The following TRIM37 variants were observed in gnomAD, a reference collection of about 807,000 sequenced individuals.
TRIM37 encodes E3 ubiquitin-protein ligase TRIM37.
A neutral mutation model predicts 129.8 loss-of-function variants in TRIM37; 80 were observed. That is an observed-to-expected ratio of 0.62 (90% CI 0.51 to 0.74). The LOEUF (loss-of-function observed/expected upper bound fraction) is 0.74, where lower values mean the gene tolerates loss of function less well. Ranked by LOEUF, TRIM37 falls within the 30% of genes least tolerant of loss-of-function variation. The probability of loss-of-function intolerance (pLI) is 0.00; values close to 1 mark genes in which losing one functional copy is unlikely to be tolerated. For synonymous variants in TRIM37, 389 were observed against 387.1 expected (o/e 1.00, Z -0.06); for missense variants, 1,054 against 1,176.5 (o/e 0.90, Z 1.52).
chr17:59,042,706 T>C (rs1421340480), intron 16 of TRIM37, among the ~76,000 whole-genome samples: 1 of 151,196 alleles, frequency 6.6e-6, no homozygotes, highest in African/African-American at 2.4e-5. Context: ...GAGGTTGTAG[T>C]GAGCCAAGAT....
intron 16 of TRIM37, among the ~76,000 whole-genome samples, chr17:59,046,155 ACAGTAAC>A (rs1412349628): frequency 6.6e-6 from 1 of 152,194 alleles, no homozygotes; most frequent in African/African-American, 2.4e-5. Context: ...GGCAATCAAC[ACAGTAAC>A]CTTTTTCAGG....
At chr17:59,091,236 T>C (rs991617487) in intron 3 of TRIM37, 64 bp downstream of exon 3, 3 of 1,303,224 alleles carry the variant, frequency 2.3e-6, no homozygotes, top group Admixed American at 3.7e-5. Context: ...CCTTTATGAA[T>C]CCCAAGGCAC....
At position 59,026,568 on chromosome 17, in the gene TRIM37, TAAAC is replaced by T. The variant is rs1201061167; in HGVS notation, c.2257+1843_2257+1846del. 5.3e-5 allele frequency among the ~76,000 whole-genome samples: 8 copies of T among 152,158 alleles called. No homozygotes were observed. The East Asian group carries it at 1.5e-3, about 29-fold the overall frequency. On this transcript the variant is annotated intron_variant, in intron 19 of 23. Transcript: ENST00000262294. ...AGAACTCCTAAAAGTCAACTACAAATAAACAACCCAACCCAATTTTAAAATGGAT... is the reference window on the plus strand; with the variant it reads ...AGAACTCCTAAAAGTCAACTACAAATAACCCAACCCAATTTTAAAATGGAT...
chr17:59,047,907 A>G lies in TRIM37; in HGVS notation c.1531-88T>C. On this transcript the variant is annotated intron_variant, in intron 15 of 23. Transcript: ENST00000262294. ...ATCCAGCCCATAAACCAAGCACCAA[A>G]GAATAATACAGTTTTCAAAAATCTA... The G allele has an allele frequency of 2.7e-6, 4 of 1,499,212 alleles. No homozygotes were observed. In the South Asian group the frequency reaches 4.5e-5, roughly 17 times the overall value. The allele number at this position is 1,499,212 out of a possible 1,614,324, so 92.9% of individuals were successfully genotyped here. A position where few individuals can be genotyped will look rare whatever the true frequency, so the allele number is the denominator to read the frequency against.
chr17:59,084,870 C>T (rs1308330279), intron 4 of TRIM37, among the ~76,000 whole-genome samples: 1 of 152,038 alleles, frequency 6.6e-6, no homozygotes. Flanking sequence ...GAAAGGGAGG[C>T]CTCACTAGAA....
intron 17 of TRIM37, among the ~76,000 whole-genome samples, chr17:59,036,435 G>A (rs1170812315): frequency 2.7e-5 from 4 of 148,686 alleles, no homozygotes; most frequent in African/African-American, 9.9e-5. Context: ...AATCTAGTTT[G>A]TATTTGCTGG....
intron 15 of TRIM37, 77 bp downstream of exon 15, chr17:59,049,101 C>T: frequency 8.6e-7 from 1 of 1,167,980 alleles, no homozygotes; most frequent in Non-Finnish European, 1.3e-6. Context: ...TGTTTTAGCA[C>T]ATAATATGTT....
At chr17:59,102,017 A>T (rs748959028) in intron 2 of TRIM37, among the ~76,000 whole-genome samples, 40 of 152,236 alleles carry the variant, frequency 2.6e-4, no homozygotes, top group Non-Finnish European at 4.7e-4. Flanking sequence ...AACAGAACAA[A>T]AAGAATGAAC....
At chr17:58,999,574 A>G (rs1567930345) in intron 23 of TRIM37, 115 bp from the exon 24 acceptor site, 1 of 883,060 alleles carries the variant, frequency 1.1e-6, no homozygotes, top group Non-Finnish European at 1.7e-6. Flanking sequence ...AGTGATAAAG[A>G]TGTGCTGGGT....
chr17:59,030,121 T>C (rs1178231056), intron 18 of TRIM37, among the ~76,000 whole-genome samples: 4 of 152,208 alleles, frequency 2.6e-5, no homozygotes, highest in Non-Finnish European at 2.9e-5. Context: ...GTTCATTTTT[T>C]TTTTTCATGG....
intron 24 of TRIM37, among the ~76,000 whole-genome samples, chr17:58,993,040 T>TGGGAGGTA (rs2032605250): frequency 2.0e-5 from 3 of 152,240 alleles, no homozygotes; most frequent in Admixed American, 2.0e-4. Context: ...AGGGACCCAG[T>TGGGAGGTA]GGGAGGTAAT....
chr17:59,070,694 A>G, intron 9 of TRIM37, 129 bp downstream of exon 9: 1 of 1,060,864 alleles, frequency 9.4e-7, no homozygotes, highest in Non-Finnish European at 1.4e-6. Flanking sequence ...CTGGGCAACA[A>G]GTGAGACCCT....
chr17:59,094,706 T>C (rs2044695254), intron 2 of TRIM37, among the ~76,000 whole-genome samples: 1 of 151,778 alleles, frequency 6.6e-6, no homozygotes, highest in Admixed American at 6.6e-5. Context: ...GGTTTTTGGA[T>C]AAAAAACTGG....
At chr17:59,103,970 G>T (rs944800213) in intron 2 of TRIM37, among the ~76,000 whole-genome samples, 1 of 152,096 alleles carries the variant, frequency 6.6e-6, no homozygotes. Flanking sequence ...TCTTGTAATT[G>T]TAAGATTAAA....
chr17:59,099,676 A>G (rs1420959070), intron 2 of TRIM37, among the ~76,000 whole-genome samples: 1 of 152,216 alleles, frequency 6.6e-6, no homozygotes, highest in Non-Finnish European at 1.5e-5. Context: ...AGATACCTGT[A>G]AGAATGGCTA....
rs1329000485 is a variant in TRIM37, at chr17:59,032,441, C to T, written c.1754-351G>A. Among the ~76,000 whole-genome samples the T allele has an allele frequency of 2.1e-5, 3 of 145,706 alleles. No homozygotes were observed. In the Admixed American group the frequency reaches 2.2e-4, roughly 10 times the overall value. ...TCGGGAGGCTGAGGCAGGAGAATGG[C>T]GTGAACCCGGGAAGCGGAGCTTGCA... is the stretch of plus-strand genomic sequence containing the variant. On this transcript the variant is annotated intron_variant, in intron 17 of 23. Coordinates refer to ENST00000262294, the MANE Select transcript of TRIM37 (RefSeq NM_015294.6).
Position 59,104,245 on chromosome 17 carries a change from A to C in TRIM37, c.123+48T>G, listed in dbSNP as rs578042066. On this transcript the variant is annotated intron_variant, in intron 2 of 23. Coordinates refer to ENST00000262294, the MANE Select transcript of TRIM37 (RefSeq NM_015294.6). Reference sequence around the variant, plus strand: ...GATAAGGGAAATGGTTAATCCTTACAATATATACTATATATACTAACTGCA... The same window carrying C: ...GATAAGGGAAATGGTTAATCCTTACCATATATACTATATATACTAACTGCA... 8 of 1,527,012 alleles carry C rather than the reference A, an allele frequency of 5.2e-6. No individual in the cohort carries two copies. The East Asian group carries it at 9.3e-5, about 18-fold the overall frequency. The allele number at this position is 1,527,012 out of a possible 1,614,324, so 94.6% of individuals were successfully genotyped here.
At chr17:58,969,848 T>C in the TRIM37 span, 2 of 931,826 alleles carry the variant, frequency 2.1e-6, no homozygotes, top group East Asian at 2.6e-5. Flanking sequence ...AACTGTATTC[T>C]TGACTCACAG....
chr17:59,052,753 G>C (rs141355139), intron 13 of TRIM37, among the ~76,000 whole-genome samples: 1 of 152,144 alleles, frequency 6.6e-6, no homozygotes, highest in East Asian at 1.9e-4. Flanking sequence ...TCAGGAGTTC[G>C]AGACCAGCGT....
Sources: gnomAD v4.1 joint callset for allele counts (sites outside exome capture counted in the v4.1 genomes callset) on GRCh38, gnomAD v4.1.1 for gene constraint, MANE v1.5 for transcripts, NCBI Gene and HGNC (gene_info 2026-07-23, HGNC 2026-07-21) for gene names.